The following EPB41L1 variants were observed in gnomAD, a reference collection of about 807,000 sequenced individuals.
EPB41L1 encodes band 4.1-like protein 1.
Under a neutral mutation model 97.8 loss-of-function variants are expected in EPB41L1, and 29 were observed. The ratio of observed to expected loss-of-function variants is 0.30; its 90% CI spans 0.22 to 0.40. EPB41L1 has a LOEUF of 0.40. EPB41L1 is among the 10% of genes least tolerant of loss of function. EPB41L1 has a pLI of 1.00. For synonymous variants in EPB41L1, 383 were observed against 459.2 expected (o/e 0.83, Z 2.12); for missense variants, 812 against 1,162.3 (o/e 0.70, Z 4.38).
intron 1 of EPB41L1, among the ~76,000 whole-genome samples, chr20:36,095,962 G>GTTGCAGTGAGCTGAGA (rs2057817573): frequency 6.6e-6 from 1 of 151,902 alleles, no homozygotes; most frequent in South Asian, 2.1e-4. Context: ...GGAGGCGGAG[G>GTTGCAGTGAGCTGAGA]TTGCAGTGAG....
At position 36,209,780 on chromosome 20, in the gene EPB41L1, G is replaced by A. The variant is rs981954089; in HGVS notation, c.1961G>A (p.Gly654Asp). 1 of 1,613,940 alleles carries A rather than the reference G, an allele frequency of 6.2e-7. No individual in the cohort carries two copies. The highest frequency in any genetic ancestry group is 1.3e-5 in the African/African-American group (1 of 74,920). The change falls in exon 15 of 22, where the codon GGC becomes GAC. Residue 654 changes from glycine (G) to aspartate (D), a missense_variant. Transcript: ENST00000338074. This position sits in a 1 kb window ranked among gnomAD's most constrained non-coding sequence, Gnocchi z 4.2. ...DRDKSDSDTE[G>D]LLFSRDLNKG... is the part of the protein sequence containing the mutation. ...GACAAAAGCGACTCGGACACTGAGG[G>A]CCTGCTGTTCTCCCGGGATCTCAAC...
At chr20:36,114,039 C>T (rs150823855) in intron 2 of EPB41L1, among the ~76,000 whole-genome samples, 2,346 of 152,220 alleles carry the variant, frequency 0.015, 43 homozygotes, top group South Asian at 0.093. Context: ...TGGGTGCAGT[C>T]GGAGCTAGTT....
intron 2 of EPB41L1, among the ~76,000 whole-genome samples, chr20:36,142,106 T>A: frequency 7.2e-6 from 1 of 137,948 alleles, no homozygotes; most frequent in Admixed American, 7.5e-5. Context: ...AAAAACTCCA[T>A]CTCAAAAAAA....
At chr20:36,111,700 T>C (rs2058407888) in intron 1 of EPB41L1, among the ~76,000 whole-genome samples, 1 of 149,574 alleles carries the variant, frequency 6.7e-6, no homozygotes, top group African/African-American at 2.5e-5. Flanking sequence ...GATAGGAGAA[T>C]CGTTTGAACC....
At chr20:36,150,313 C>G (rs1221980165), upstream of EPB41L1, 7 of 152,106 alleles carry the variant, frequency 4.6e-5, no homozygotes, top group African/African-American at 1.7e-4. Flanking sequence ...TCAGGTAATC[C>G]GCCCACCTCG....
At chr20:36,198,088 C>T in intron 14 of EPB41L1, 47 bp downstream of exon 14, 1 of 1,550,882 alleles carries the variant, frequency 6.4e-7, no homozygotes, top group Non-Finnish European at 8.9e-7. Context: ...GGTAAAGAGA[C>T]ATTGGGTTGC....
intron 2 of EPB41L1, among the ~76,000 whole-genome samples, chr20:36,140,142 C>T (rs2059582383): frequency 6.6e-6 from 1 of 152,074 alleles, no homozygotes; most frequent in African/African-American, 2.4e-5. Flanking sequence ...GCAACCTCTG[C>T]TTCCCAGATT....
intron 1 of EPB41L1, among the ~76,000 whole-genome samples, chr20:36,105,385 C>T (rs2058157111): frequency 6.6e-6 from 1 of 152,124 alleles, no homozygotes; most frequent in African/African-American, 2.4e-5. Flanking sequence ...TTGTGAGGTC[C>T]TGGGGTCAAA....
In EPB41L1 at chr20:36,182,457, G is replaced by A. The variant is rs576084155; in HGVS notation, c.566+110G>A. On this transcript the variant is annotated intron_variant, in intron 6 of 21. Coordinates refer to ENST00000338074, the MANE Select transcript of EPB41L1 (RefSeq NM_012156.2). The stretch of plus-strand genomic sequence containing the variant: ...TGTGACAGCAGCTGCAAATGCAGTC[G>A]CCTACCGAGGTCAGGCAGACAGCAT... 2.0e-4 allele frequency: 233 copies of A among 1,188,512 alleles called. 3 individuals are homozygous for A. In the South Asian group the frequency reaches 2.6e-3, roughly 13 times the overall value. 73.6% of individuals were successfully genotyped at this position (1,188,512 alleles called of 1,614,324 possible).
At chr20:36,214,331 G>A (rs906924973) in intron 16 of EPB41L1, 26 bp from the exon 17 acceptor site, 1 of 1,605,240 alleles carries the variant, frequency 6.2e-7, no homozygotes, top group Non-Finnish European at 8.5e-7. Flanking sequence ...GCTCTCCCCA[G>A]CTCTAACGAC....
intron 1 of EPB41L1, among the ~76,000 whole-genome samples, chr20:36,105,253 G>A (rs1175279330): frequency 6.6e-6 from 1 of 152,164 alleles, no homozygotes; most frequent in African/African-American, 2.4e-5. Context: ...CTCCATTGCA[G>A]GGGAAGAAAC....
rs974092543 is a variant in EPB41L1, at chr20:36,195,634, C to T, written c.1485+270C>T. Among the ~76,000 whole-genome samples the T allele has an allele frequency of 3.3e-5, 5 of 152,192 alleles. No individual in the cohort carries two copies. In the East Asian group the frequency reaches 9.6e-4, roughly 29 times the overall value. On this transcript the variant is annotated intron_variant, in intron 13 of 21. Transcript: ENST00000338074. The surrounding 1 kb of genome is among the most constrained non-coding windows in gnomAD (Gnocchi z 4.6). ...CCCTCCCACCCTCTCCCCAGCTCAC[C>T]CGGTCCTCCATACTTGCAGCTCACC... is the stretch of plus-strand genomic sequence containing the variant.
chr20:36,138,822 T>C (rs2059521212), intron 2 of EPB41L1, among the ~76,000 whole-genome samples: 1 of 152,196 alleles, frequency 6.6e-6, no homozygotes, highest in African/African-American at 2.4e-5. Context: ...TGTGACATGC[T>C]GCCTCCCAGT....
rs770344670 is a variant in EPB41L1 at position 36,195,372 on chromosome 20, A to T, written c.1485+8A>T. 5 of 1,613,840 alleles carry T rather than the reference A, an allele frequency of 3.1e-6. No individual in the cohort carries two copies. In the South Asian group the frequency reaches 4.4e-5, roughly 14 times the overall value. On this transcript the variant is annotated splice_region_variant and intron_variant, in intron 13 of 21. Transcript: ENST00000338074. This position sits in a 1 kb window ranked among gnomAD's most constrained non-coding sequence, Gnocchi z 4.6. ...CCGAGACACAAGCAGGAGGTACTGCATGGGACCTGTCCCTCCCTACCCAGC... is the reference window on the plus strand; with the variant it reads ...CCGAGACACAAGCAGGAGGTACTGCTTGGGACCTGTCCCTCCCTACCCAGC...
At chr20:36,225,161 T>A (rs903933172) in intron 21 of EPB41L1, among the ~76,000 whole-genome samples, 1 of 152,246 alleles carries the variant, frequency 6.6e-6, no homozygotes, top group African/African-American at 2.4e-5. Flanking sequence ...TAGTTCACAT[T>A]CTATTTCTAT....
chr20:36,214,551 G>A, intron 17 of EPB41L1, 111 bp downstream of exon 17: 6 of 834,534 alleles, frequency 7.2e-6, no homozygotes, highest in Middle Eastern at 2.8e-4. Flanking sequence ...AGCTGCCCTC[G>A]CTGCATCAGG....
intron 1 of EPB41L1, among the ~76,000 whole-genome samples, chr20:36,096,777 ATCT>A (rs1035103989): frequency 1.4e-4 from 22 of 152,302 alleles, no homozygotes; most frequent in African/African-American, 5.1e-4. Flanking sequence ...TTGCTTACTA[ATCT>A]TCTTAGTGTC....
At position 36,190,906 on chromosome 20, in the gene EPB41L1, A is replaced by G. The variant is rs2061919720; in HGVS notation, c.1300+109A>G. ...GCAGGAAAATGGTAGATGCATCCCAAGTTCATCTGCACCAGGCTGGCCCCT... is the reference window on the plus strand; with the variant it reads ...GCAGGAAAATGGTAGATGCATCCCAGGTTCATCTGCACCAGGCTGGCCCCT... On this transcript the variant is annotated intron_variant, in intron 11 of 21. Transcript: ENST00000338074. This position sits in a 1 kb window ranked among gnomAD's most constrained non-coding sequence, Gnocchi z 5.8. The G allele has an allele frequency of 7.0e-6, 10 of 1,437,246 alleles. 1 individual carries two copies. The South Asian group carries it at 1.2e-4, about 17-fold the overall frequency. The allele number at this position is 1,437,246 out of a possible 1,614,324, so 89.0% of individuals were successfully genotyped here. A position where few individuals can be genotyped will look rare whatever the true frequency, so the allele number is the denominator to read the frequency against.
chr20:36,148,304 G>C (rs2145403671), intron 2 of EPB41L1, among the ~76,000 whole-genome samples: 1 of 152,342 alleles, frequency 6.6e-6, no homozygotes, highest in East Asian at 1.9e-4. Context: ...GACGGAGACA[G>C]AGAGGCCAAG....
Sources: gnomAD v4.1 joint callset for allele counts (sites outside exome capture counted in the v4.1 genomes callset) on GRCh38, gnomAD v4.1.1 for gene constraint, Gnocchi (gnomAD v3.1) non-coding constraint, MANE v1.5 for transcripts, NCBI Gene and HGNC (gene_info 2026-07-23, HGNC 2026-07-21) for gene names.